The following ADAM28 variants were observed in gnomAD, a reference collection of about 807,000 sequenced individuals.
The protein encoded by ADAM28 is disintegrin and metalloproteinase domain-containing protein 28.
ADAM28 carries 105 observed loss-of-function variants against 101.2 expected under a neutral mutation model. The ratio of observed to expected loss-of-function variants is 1.04; its 90% CI spans 0.89 to 1.22. The LOEUF (loss-of-function observed/expected upper bound fraction) is 1.22, where lower values mean the gene tolerates loss of function less well. ADAM28 is among the 50% of genes most tolerant of loss of function. The pLI is 0.00. For missense variants in ADAM28, 1,028 were observed against 945.4 expected, an observed-to-expected ratio of 1.09 and a Z score of -1.15; for synonymous variants, 322 against 310.6, an observed-to-expected ratio of 1.04 and a Z score of -0.39.
At chr8:24,325,756 T>C (rs1455632571) in intron 9 of ADAM28, among the ~76,000 whole-genome samples, 2 of 150,794 alleles carry the variant, frequency 1.3e-5, no homozygotes, top group African/African-American at 4.9e-5. Flanking sequence ...TATTGTTTTA[T>C]GGTAAAATAC....
intron 18 of ADAM28, among the ~76,000 whole-genome samples, chr8:24,347,872 TC>T (rs1239094633): frequency 6.6e-6 from 1 of 152,104 alleles, no homozygotes; most frequent in Non-Finnish European, 1.5e-5. Context: ...ATAACATTTT[TC>T]CATATTTTCA....
intron 12 of ADAM28, among the ~76,000 whole-genome samples, chr8:24,331,810 T>G (rs1813402871): frequency 6.6e-6 from 1 of 152,100 alleles, no homozygotes; most frequent in African/African-American, 2.4e-5. Context: ...CATCCCTTAC[T>G]GCTTTGGGAC....
Position 24,332,599 on chromosome 8 carries a change from T to C in ADAM28, c.1282-61T>C, listed in dbSNP as rs536824238. On this transcript the variant is annotated intron_variant, in intron 12 of 22. Transcript: ENST00000265769. Reference sequence around the variant, plus strand: ...CCTGATGAATATAGTATGTTACAAATTGTGCTGAACTGGGACCAAAAAGTA... The same window carrying C: ...CCTGATGAATATAGTATGTTACAAACTGTGCTGAACTGGGACCAAAAAGTA... 29 of 909,614 alleles carry C rather than the reference T, an allele frequency of 3.2e-5. No homozygotes were observed. In the African/African-American group the frequency reaches 3.2e-4, roughly 10 times the overall value. 56.3% of individuals were successfully genotyped at this position (909,614 alleles called of 1,614,324 possible). A position where few individuals can be genotyped will look rare whatever the true frequency, so the allele number is the denominator to read the frequency against.
At position 24,343,135 on chromosome 8, in the gene ADAM28, A is replaced by T; in HGVS notation, c.1865A>T (p.Lys622Ile). ...CINAECVDIE[K>I]AYKSTNCSSK... ...AATGCAGAATGTGTGGATATTGAGA[A>T]AGCCTACAAATCAACCAATTGCTCA... Residue 622 changes from lysine to isoleucine, a missense_variant, in exon 17 of 23, where the codon AAA becomes ATA. Transcript: ENST00000265769. The T allele has an allele frequency of 6.2e-7, 1 of 1,613,858 alleles. No individual in the cohort carries two copies. Among genetic ancestry groups the T allele is most frequent in the African/African-American group, 1.3e-5 (1 of 75,022 alleles).
At chr8:24,342,099 C>T (rs1814851364) in intron 16 of ADAM28, among the ~76,000 whole-genome samples, 1 of 152,192 alleles carries the variant, frequency 6.6e-6, no homozygotes, top group Non-Finnish European at 1.5e-5. Context: ...TCTGAAAACT[C>T]ACTGAAAGTG....
intron 18 of ADAM28, among the ~76,000 whole-genome samples, chr8:24,349,045 G>C (rs1815751833): frequency 6.6e-6 from 1 of 152,182 alleles, no homozygotes; most frequent in Non-Finnish European, 1.5e-5. Context: ...GTCTTACCTA[G>C]AATTCTGCTT....
chr8:24,338,649 A>G (rs1051327437), intron 14 of ADAM28, among the ~76,000 whole-genome samples: 6 of 152,212 alleles, frequency 3.9e-5, no homozygotes, highest in Non-Finnish European at 7.4e-5. Flanking sequence ...TTTCTTAAAA[A>G]CAATGCCGTA....
intron 17 of ADAM28, 152 bp downstream of exon 17, chr8:24,343,333 C>T (rs963978268): frequency 4.3e-6 from 5 of 1,155,342 alleles, no homozygotes; most frequent in Admixed American, 2.4e-5. Flanking sequence ...GGAGAAATTT[C>T]TTCTGGGAAT....
At chr8:24,346,720 T>A (rs1219883851) in intron 18 of ADAM28, among the ~76,000 whole-genome samples, 1 of 152,106 alleles carries the variant, frequency 6.6e-6, no homozygotes, top group Non-Finnish European at 1.5e-5. Context: ...TCATGTAATA[T>A]AATAAGGGCC....
intron 10 of ADAM28, among the ~76,000 whole-genome samples, chr8:24,327,834 T>C (rs2129300077): frequency 6.6e-6 from 1 of 152,180 alleles, no homozygotes; most frequent in Middle Eastern, 3.4e-3. Context: ...GTACAGATTT[T>C]TTAAGAGTAT....
At chr8:24,342,997 C>G in intron 16 of ADAM28, 104 bp from the exon 17 acceptor site, 1 of 1,534,966 alleles carries the variant, frequency 6.5e-7, no homozygotes, top group Non-Finnish European at 8.8e-7. Context: ...AGCCTCCTGG[C>G]AGAGCCACCT....
chr8:24,308,777 TG>T (rs1430113488), intron 2 of ADAM28: 5 of 447,610 alleles, frequency 1.1e-5, no homozygotes, highest in African/African-American at 1.0e-4. Context: ...AAGTATGGAC[TG>T]TAAGAATTGA....
intron 9 of ADAM28, among the ~76,000 whole-genome samples, chr8:24,325,897 A>C (rs1366985807): frequency 2.0e-5 from 3 of 147,852 alleles, no homozygotes; most frequent in Non-Finnish European, 3.0e-5. Flanking sequence ...AAAAAAAAAA[A>C]AAACCAAAAA....
At chr8:24,340,897 A>C (rs1018941837) in intron 15 of ADAM28, 2 of 152,186 alleles carry the variant, frequency 1.3e-5, no homozygotes, top group African/African-American at 4.8e-5. Flanking sequence ...ATTGTCTTTT[A>C]GTCCTGTTGG....
At chr8:24,341,825 C>T in intron 16 of ADAM28, 68 bp downstream of exon 16, 1 of 1,600,070 alleles carries the variant, frequency 6.2e-7, no homozygotes, top group Non-Finnish European at 8.5e-7. Context: ...TTGTTTTGCC[C>T]CTCGGTTATT....
chr8:24,305,477 T>TA lies in ADAM28; in HGVS notation c.151-4413dup, dbSNP rs757200200. Among the ~76,000 whole-genome samples the TA allele has an allele frequency of 2.6e-3, 362 of 138,866 alleles. 7 individuals carry two copies. The highest frequency in any genetic ancestry group is 0.01 in the African/African-American group (343 of 34,216). 91.1% of individuals were successfully genotyped at this position (138,866 alleles called of 152,430 possible). ...TTTTTTTTTTTTTTTTTTTTTTTTT[T>TA]AAAATATGTCTTTGCTATGTCTCTA... On this transcript the variant is annotated intron_variant, in intron 2 of 22. Coordinates refer to ENST00000265769, the MANE Select transcript of ADAM28 (RefSeq NM_014265.6).
chr8:24,300,029 A>G lies in ADAM28; in HGVS notation c.102A>G (p.Ile34Met), dbSNP rs769981343. 1.9e-6 allele frequency: 3 copies of G among 1,613,796 alleles called. No homozygotes were observed. The highest frequency in any genetic ancestry group is 2.5e-6 in the Non-Finnish European group (3 of 1,180,010). ...GVKKYEVVYP[I>M]RLHPLHKREA... ...AGAAGTATGAAGTGGTTTATCCTAT[A>G]AGACTTCATCCACTGCATAAAAGAG... The change falls in exon 2 of 23, where the codon ATA becomes ATG. Residue 34 changes from isoleucine (I) to methionine (M), a missense_variant. Physicochemically the swap from Ile to Met is conservative, Grantham distance 10. Transcript: ENST00000265769.
intron 11 of ADAM28, 152 bp downstream of exon 11, chr8:24,330,267 T>C: frequency 2.3e-6 from 2 of 857,210 alleles, no homozygotes; most frequent in Non-Finnish European, 3.5e-6. Flanking sequence ...ATGGGTAATA[T>C]TTTTTAATAA....
intron 2 of ADAM28, among the ~76,000 whole-genome samples, chr8:24,303,951 T>G (rs374300195): frequency 6.6e-6 from 1 of 152,150 alleles, no homozygotes; most frequent in East Asian, 1.9e-4. Context: ...AATTGTGTCC[T>G]TGTGGAAATT....
Sources: gnomAD v4.1 joint callset for allele counts (sites outside exome capture counted in the v4.1 genomes callset) on GRCh38, gnomAD v4.1.1 for gene constraint, MANE v1.5 for transcripts, NCBI Gene and HGNC (gene_info 2026-07-23, HGNC 2026-07-21) for gene names.